Variants in CYP26B1 observed in about 807,000 individuals in gnomAD.
CYP26B1 encodes the protein cytochrome P450 family 26 subfamily B member 1.
Under a neutral mutation model 39.1 loss-of-function variants are expected in CYP26B1, and 8 were observed. That is an observed-to-expected ratio of 0.20 (90% CI 0.12 to 0.37). The LOEUF is 0.37. Ranked by LOEUF, CYP26B1 falls within the 10% of genes least tolerant of loss-of-function variation. The probability of loss-of-function intolerance (pLI) is 1.00; values close to 1 mark genes in which losing one functional copy is unlikely to be tolerated. For synonymous variants in CYP26B1, 321 were observed against 314.3 expected (o/e 1.02, Z -0.23); for missense variants, 615 against 707.0 (o/e 0.87, Z 1.48).
At position 72,135,481 on chromosome 2, in the gene CYP26B1, C is replaced by T. The variant is rs955898229; in HGVS notation, c.430-62G>A. The T allele has an allele frequency of 1.4e-5, 22 of 1,593,444 alleles. No homozygotes were observed. The African/African-American group carries it at 2.1e-4, about 15-fold the overall frequency. On this transcript the variant is annotated intron_variant, in intron 2 of 5. Transcript: ENST00000001146. ...CACAGCCCACCCCTGGCCAGCCCCT[C>T]ACTCTGCCTGAACAATGAATGTGAC...
At chr2:72,144,990 G>T (rs1677078062) in intron 1 of CYP26B1, among the ~76,000 whole-genome samples, 1 of 152,068 alleles carries the variant, frequency 6.6e-6, no homozygotes, top group African/African-American at 2.4e-5. Context: ...GCCGGGCGCG[G>T]GTACCGGAAA....
Position 72,134,904 on chromosome 2 carries a change from G to A in CYP26B1, c.718C>T (p.Arg240Trp), listed in dbSNP as rs1359914942. 2.5e-6 allele frequency: 4 copies of A among 1,613,884 alleles called. No homozygotes were observed. Among genetic ancestry groups the A allele is most frequent in the Non-Finnish European group, 2.5e-6 (3 of 1,180,024 alleles). The change falls in exon 4 of 6, where the codon CGG becomes TGG. Residue 240 changes from arginine to tryptophan, a missense_variant. Coordinates refer to ENST00000001146, the MANE Select transcript of CYP26B1 (RefSeq NM_019885.4). Reference sequence around the variant, plus strand: ...TCCAGCCCCTTCTGCAGGATCTGCCGAGCCTGAATGCCCTGCAGAGGTGAG... The same window carrying A: ...TCCAGCCCCTTCTGCAGGATCTGCCAAGCCTGAATGCCCTGCAGAGGTGAG... ...FSGYRRGIQA[R>W]QILQKGLEKA...
At chr2:72,135,781 G>A (rs1043978187) in intron 2 of CYP26B1, among the ~76,000 whole-genome samples, 1 of 152,166 alleles carries the variant, frequency 6.6e-6, no homozygotes, top group Middle Eastern at 3.2e-3. Flanking sequence ...TACAGCAAGA[G>A]AGCCTGAGAC....
chr2:72,145,293 C>A (rs2104101371), intron 1 of CYP26B1, among the ~76,000 whole-genome samples: 1 of 152,306 alleles, frequency 6.6e-6, no homozygotes, highest in East Asian at 1.9e-4. Flanking sequence ...TAAATGTGCA[C>A]ACACGCCAGT....
chr2:72,137,231 G>A (rs1027018538), intron 2 of CYP26B1, among the ~76,000 whole-genome samples: 1 of 152,174 alleles, frequency 6.6e-6, no homozygotes, highest in Non-Finnish European at 1.5e-5. Context: ...GTCGAAGCTG[G>A]TGGGCTCTAT....
intron 2 of CYP26B1, among the ~76,000 whole-genome samples, chr2:72,135,966 A>G (rs1676760105): frequency 6.6e-6 from 1 of 152,154 alleles, no homozygotes; most frequent in African/African-American, 2.4e-5. Flanking sequence ...CCTAAAGATC[A>G]TAAAGACAAA....
intron 1 of CYP26B1, among the ~76,000 whole-genome samples, chr2:72,145,106 C>T (rs1350861108): frequency 1.3e-5 from 2 of 152,256 alleles, no homozygotes; most frequent in East Asian, 1.9e-4. Context: ...GGGCAGCACC[C>T]GGCGCAAAGG....
Position 72,133,140 on chromosome 2 carries a change from C to T in CYP26B1, c.1029G>A (p.Leu343=). The T allele has an allele frequency of 6.2e-7, 1 of 1,612,730 alleles. No individual in the cohort carries two copies. The highest frequency in any genetic ancestry group is 1.1e-5 in the South Asian group (1 of 91,076). Residue 343 remains leucine, a synonymous_variant, in exon 5 of 6, where the codon CTG becomes CTA. Coordinates refer to ENST00000001146, the MANE Select transcript of CYP26B1 (RefSeq NM_019885.4). ...GCAGCCCACTGAGCGTGTCCAGGCG[C>T]AGTGTGCCCTCGCAGGGGCAGCCGC... The part of the protein sequence containing the change: ...HSGGCPCEGT[L]RLDTLSGLRY...
intron 1 of CYP26B1, among the ~76,000 whole-genome samples, chr2:72,146,418 A>ACC (rs200554880): frequency 0.011 from 1,627 of 152,154 alleles, 9 homozygotes; most frequent in Middle Eastern, 0.031. Context: ...TGCACGAACA[A>ACC]CCCCAAAAAG....
rs1220667915 is a variant in CYP26B1, at chr2:72,147,523, G to C, written c.204+108C>G. 2.7e-6 allele frequency: 3 copies of C among 1,123,126 alleles called. No individual in the cohort carries two copies. The highest frequency in any genetic ancestry group is 1.6e-5 in the African/African-American group (1 of 60,824). The allele number at this position is 1,123,126 out of a possible 1,614,324, so 69.6% of individuals were successfully genotyped here. The stretch of plus-strand genomic sequence containing the variant: ...GAGAGGAGGGAAGGGGCGGGGCGGG[G>C]ACCAGTGCCTTCAGGCTCCCGGCGC... On this transcript the variant is annotated intron_variant, in intron 1 of 5. Coordinates refer to ENST00000001146, the MANE Select transcript of CYP26B1 (RefSeq NM_019885.4). The surrounding 1 kb of genome is among the most constrained non-coding windows in gnomAD (Gnocchi z 6.1).
chr2:72,144,408 A>C (rs890103181), intron 1 of CYP26B1, 195 bp from the exon 2 acceptor site: 3 of 1,388,418 alleles, frequency 2.2e-6, no homozygotes, highest in East Asian at 5.2e-5. Context: ...GAGGATAATA[A>C]ATAATGCAAG....
intron 1 of CYP26B1, among the ~76,000 whole-genome samples, chr2:72,146,162 A>AG (rs930033409): frequency 4.6e-5 from 7 of 151,884 alleles, no homozygotes; most frequent in African/African-American, 9.7e-5. Context: ...TGGGGACCTG[A>AG]GGGGGGGCAG....
At chr2:72,140,036 G>A (rs1417836080) in intron 2 of CYP26B1, among the ~76,000 whole-genome samples, 1 of 152,214 alleles carries the variant, frequency 6.6e-6, no homozygotes, top group Non-Finnish European at 1.5e-5. Flanking sequence ...AGATACAGCA[G>A]CCAGCATGGG....
chr2:72,132,704 C>T lies in CYP26B1; in HGVS notation c.1147-85G>A, dbSNP rs937989382. On this transcript the variant is annotated intron_variant, in intron 5 of 5. Coordinates refer to ENST00000001146, the MANE Select transcript of CYP26B1 (RefSeq NM_019885.4). ...CCAGGACTGCCCCCTCCCTGCTCAG[C>T]CCCAGATGTTCAAGACCTGCCTTTT... The T allele has an allele frequency of 4.6e-6, 7 of 1,518,200 alleles. No individual in the cohort carries two copies. The African/African-American group carries it at 8.3e-5, about 18-fold the overall frequency. 94.0% of individuals were successfully genotyped at this position (1,518,200 alleles called of 1,614,324 possible).
At chr2:72,135,083 C>A (rs767173663) in intron 3 of CYP26B1, 61 bp downstream of exon 3, 1 of 1,608,852 alleles carries the variant, frequency 6.2e-7, no homozygotes, top group Non-Finnish European at 8.5e-7. Context: ...CAGCCACCCA[C>A]CCCCAGAGAG....
intron 2 of CYP26B1, among the ~76,000 whole-genome samples, chr2:72,142,534 A>G (rs533030529): frequency 8.5e-5 from 13 of 152,322 alleles, no homozygotes; most frequent in African/African-American, 3.1e-4. Context: ...CTTCCATGAA[A>G]AGGGGACAAT....
chr2:72,135,204 C>T lies in CYP26B1; in HGVS notation c.645G>A (p.Gln215=). The T allele has an allele frequency of 1.9e-6, 3 of 1,614,110 alleles. No homozygotes were observed. The highest frequency in any genetic ancestry group is 2.5e-6 in the Non-Finnish European group (3 of 1,180,030). Residue 215 remains glutamine, a synonymous_variant, in exon 3 of 6, where the codon CAG becomes CAA. Transcript: ENST00000001146. ...EDLGHLFEVY[Q]QFVDNVFSLP... ...GGGAGAAGACATTGTCCACAAACTG[C>T]TGGTAGACCTCAAAGAGGTGCCCAA...
At chr2:72,136,225 G>T (rs1676770525) in intron 2 of CYP26B1, among the ~76,000 whole-genome samples, 1 of 152,186 alleles carries the variant, frequency 6.6e-6, no homozygotes, top group Non-Finnish European at 1.5e-5. Flanking sequence ...CAGATGAGAA[G>T]GGGGAGCACC....
At chr2:72,145,032 G>A (rs1235414171) in intron 1 of CYP26B1, among the ~76,000 whole-genome samples, 1 of 152,150 alleles carries the variant, frequency 6.6e-6, no homozygotes, top group African/African-American at 2.4e-5. Flanking sequence ...GGGGGCAAGG[G>A]CGTCCCGCTC....
Sources: allele counts gnomAD v4.1 joint callset (sites outside exome capture counted in the v4.1 genomes callset), GRCh38; gene constraint gnomAD v4.1.1; non-coding constraint Gnocchi (gnomAD v3.1); transcripts MANE v1.5; gene names NCBI Gene and HGNC (gene_info 2026-07-23, HGNC 2026-07-21).